The following GRID1 variants were observed in gnomAD, a reference collection of about 807,000 sequenced individuals.
GRID1 encodes the protein glutamate ionotropic receptor delta type subunit 1.
GRID1 carries 28 observed loss-of-function variants against 98.0 expected under a neutral mutation model. The observed-to-expected ratio is 0.29, with a 90% CI of 0.21 to 0.39. The LOEUF (loss-of-function observed/expected upper bound fraction) is 0.39, where lower values mean the gene tolerates loss of function less well. GRID1 is among the 10% of genes least tolerant of loss of function. The pLI, the probability that GRID1 is intolerant of heterozygous loss-of-function variation, is 1.00. For synonymous variants in GRID1, 553 were observed against 538.5 expected, an observed-to-expected ratio of 1.03 and a Z score of -0.37; for missense variants, 1,111 against 1,340.5, an observed-to-expected ratio of 0.83 and a Z score of 2.67.
chr10:85,811,447 C>T (rs1420380370), intron 8 of GRID1, among the ~76,000 whole-genome samples: 1 of 151,844 alleles, frequency 6.6e-6, no homozygotes, highest in Non-Finnish European at 1.5e-5. Flanking sequence ...ATAAACGATT[C>T]AATTAAATTA....
At chr10:85,652,976 A>G (rs1206469117) in intron 12 of GRID1, among the ~76,000 whole-genome samples, 4 of 152,236 alleles carry the variant, frequency 2.6e-5, no homozygotes, top group Non-Finnish European at 5.9e-5. Context: ...CATCAATGAC[A>G]ACAGCAACAA....
In GRID1 at chr10:85,982,061, C is replaced by T. The variant is rs552553334; in HGVS notation, c.727-65822G>A. 2.6e-4 allele frequency among the ~76,000 whole-genome samples: 40 copies of T among 152,078 alleles called. No individual in the cohort carries two copies. The South Asian group carries it at 5.0e-3, about 19-fold the overall frequency. On this transcript the variant is annotated intron_variant, in intron 4 of 15. Coordinates refer to ENST00000327946, the MANE Select transcript of GRID1 (RefSeq NM_017551.3). ...GCCAGTGCAAAGGCCCTGAGGTGAG[C>T]GCTTGTTTGGCATGTTTGATAACCA...
At chr10:85,629,355 T>A (rs1376545130) in intron 13 of GRID1, among the ~76,000 whole-genome samples, 7 of 152,170 alleles carry the variant, frequency 4.6e-5, no homozygotes, top group Non-Finnish European at 1.0e-4. Flanking sequence ...GTACCCTTCA[T>A]GTAATTTCTC....
chr10:85,970,653 G>C (rs1395901250), intron 4 of GRID1, among the ~76,000 whole-genome samples: 1 of 151,964 alleles, frequency 6.6e-6, no homozygotes, highest in Non-Finnish European at 1.5e-5. Flanking sequence ...AACACTCAAC[G>C]AATTAGGAAT....
Position 85,680,742 on chromosome 10 carries a change from C to T in GRID1, c.1998-33345G>A, listed in dbSNP as rs1419510457. Among the ~76,000 whole-genome samples the T allele has an allele frequency of 4.6e-5, 7 of 152,100 alleles. No individual in the cohort carries two copies. The East Asian group carries it at 1.3e-3, about 29-fold the overall frequency. ...GAACCAATCTAAATGCCCATCAACA[C>T]GGGCATTATCTTTGACCAGATAAAG... is the stretch of plus-strand genomic sequence containing the variant. On this transcript the variant is annotated intron_variant, in intron 12 of 15. Coordinates refer to ENST00000327946, the MANE Select transcript of GRID1 (RefSeq NM_017551.3).
At chr10:85,956,516 A>G (rs1842195483) in intron 4 of GRID1, among the ~76,000 whole-genome samples, 1 of 152,152 alleles carries the variant, frequency 6.6e-6, no homozygotes. Context: ...TCTCTTTTCA[A>G]ATGGGGCAGG....
intron 4 of GRID1, among the ~76,000 whole-genome samples, chr10:86,091,960 C>T (rs750993658): frequency 2.0e-5 from 3 of 152,124 alleles, no homozygotes; most frequent in Non-Finnish European, 4.4e-5. Context: ...AAGGGAACAC[C>T]CCATGGGACA....
At chr10:85,887,366 C>G (rs952180181) in intron 5 of GRID1, among the ~76,000 whole-genome samples, 1 of 152,170 alleles carries the variant, frequency 6.6e-6, no homozygotes, top group Non-Finnish European at 1.5e-5. Context: ...TCATTAGCTG[C>G]CCCCTAAAAA....
At chr10:86,290,683 T>C (rs1847499694) in intron 2 of GRID1, among the ~76,000 whole-genome samples, 1 of 150,778 alleles carries the variant, frequency 6.6e-6, no homozygotes, top group Non-Finnish European at 1.5e-5. Context: ...TAAAATAAAA[T>C]AAAATATGTT....
At chr10:86,209,283 A>AG (rs1325024875) in intron 2 of GRID1, among the ~76,000 whole-genome samples, 1 of 152,262 alleles carries the variant, frequency 6.6e-6, no homozygotes, top group African/African-American at 2.4e-5. Context: ...ATAATGGATA[A>AG]GCAGGAAAAC....
At chr10:86,222,095 C>T (rs958371354) in intron 2 of GRID1, among the ~76,000 whole-genome samples, 2 of 152,212 alleles carry the variant, frequency 1.3e-5, no homozygotes, top group Admixed American at 1.3e-4. Context: ...GGGAAGGGCA[C>T]CTACCACGCG....
At chr10:86,034,396 G>C (rs567362916) in intron 4 of GRID1, among the ~76,000 whole-genome samples, 18 of 152,264 alleles carry the variant, frequency 1.2e-4, no homozygotes, top group African/African-American at 4.1e-4. Flanking sequence ...CAGGCATTCT[G>C]TCAGGCCCTG....
chr10:85,962,438 C>A (rs1029036992), intron 4 of GRID1, among the ~76,000 whole-genome samples: 1 of 152,170 alleles, frequency 6.6e-6, no homozygotes, highest in Non-Finnish European at 1.5e-5. Context: ...AAGCACCTGA[C>A]AAACGTTAGA....
chr10:86,313,038 TA>T (rs776796953), intron 2 of GRID1, among the ~76,000 whole-genome samples: 24 of 152,168 alleles, frequency 1.6e-4, no homozygotes, highest in Non-Finnish European at 2.9e-4. Context: ...ACAGCTCAGC[TA>T]GCACAGGCTC....
At chr10:86,018,357 C>G (rs1180362817) in intron 4 of GRID1, among the ~76,000 whole-genome samples, 11 of 152,258 alleles carry the variant, frequency 7.2e-5, no homozygotes, top group Admixed American at 6.5e-5. Flanking sequence ...GTGAGGAAAG[C>G]AGACTGGCTC....
chr10:85,874,331 G>A (rs1020479764), intron 5 of GRID1, among the ~76,000 whole-genome samples: 6 of 151,998 alleles, frequency 3.9e-5, no homozygotes, highest in Non-Finnish European at 8.8e-5. Flanking sequence ...ATCATATGTG[G>A]TAAGGGAGTT....
chr10:85,737,980 A>G (rs1841903551), intron 8 of GRID1, among the ~76,000 whole-genome samples: 1 of 151,910 alleles, frequency 6.6e-6, no homozygotes, highest in Non-Finnish European at 1.5e-5. Flanking sequence ...AATTTTAACA[A>G]TCTTAAAGGT....
In GRID1 at chr10:85,642,199, G is replaced by A. The variant is rs577505092; in HGVS notation, c.2193+5003C>T. On this transcript the variant is annotated intron_variant, in intron 13 of 15. Coordinates refer to ENST00000327946, the MANE Select transcript of GRID1 (RefSeq NM_017551.3). Reference sequence around the variant, plus strand: ...AATAGCAGGAAAGCAGCCATAAACAGCATGTAAATAAATGAGTTGGGCTGT... The same window carrying A: ...AATAGCAGGAAAGCAGCCATAAACAACATGTAAATAAATGAGTTGGGCTGT... Among the ~76,000 whole-genome samples, 333 of 152,276 alleles carry A rather than the reference G, an allele frequency of 2.2e-3. 1 individual carries two copies. The highest frequency in any genetic ancestry group is 4.0e-3 in the Non-Finnish European group (274 of 68,020).
intron 12 of GRID1, among the ~76,000 whole-genome samples, chr10:85,668,339 G>A (rs535308568): frequency 6.6e-6 from 1 of 152,294 alleles, no homozygotes; most frequent in East Asian, 1.9e-4. Flanking sequence ...TATATGTGTG[G>A]TTGGCTACCC....
Sources: allele counts gnomAD v4.1 joint callset (sites outside exome capture counted in the v4.1 genomes callset), GRCh38; gene constraint gnomAD v4.1.1; transcripts MANE v1.5; gene names NCBI Gene and HGNC (gene_info 2026-07-23, HGNC 2026-07-21).